KLF16: variants seen among roughly 807,000 people sequenced by gnomAD.
KLF16 encodes the protein KLF transcription factor 16.
In KLF16, 6 loss-of-function variants were observed where a neutral mutation model predicts 6.1. The ratio of observed to expected loss-of-function variants is 0.98; its 90% CI spans 0.54 to 1.93. KLF16 has a LOEUF of 1.93. KLF16 is among the 30% of genes most tolerant of loss of function. KLF16 has a pLI of 0.01. For missense variants in KLF16, 355 were observed against 363.8 expected (o/e 0.98, Z 0.20); for synonymous variants, 211 against 176.5 (o/e 1.20, Z -1.55).
At chr19:1,868,641 G>A in the KLF16 span, among the ~76,000 whole-genome samples, 1 of 146,164 alleles carries the variant, frequency 6.8e-6, no homozygotes, top group African/African-American at 2.5e-5. Context: ...ACCACACCGG[G>A]CTTTTTTTTT....
intron 1 of KLF16, among the ~76,000 whole-genome samples, chr19:1,862,376 G>A (rs1235754163): frequency 1.3e-5 from 2 of 152,300 alleles, no homozygotes; most frequent in South Asian, 2.1e-4. Context: ...ACACGCCAGG[G>A]AAATACAGCA....
chr19:1,858,148 G>T (rs192739460), intron 1 of KLF16, among the ~76,000 whole-genome samples: 1 of 151,600 alleles, frequency 6.6e-6, no homozygotes, highest in East Asian at 1.9e-4. Context: ...TGTCAATCCC[G>T]TACCTCCCCA....
At chr19:1,872,109 C>G in the KLF16 span, among the ~76,000 whole-genome samples, 2 of 152,050 alleles carry the variant, frequency 1.3e-5, no homozygotes, top group African/African-American at 4.8e-5. Context: ...CCCCCTTGAA[C>G]AGGGTCAGAC....
In KLF16 at chr19:1,852,962, G is replaced by A. The variant is rs1174368658; in HGVS notation, c.*1497C>T. The A allele has an allele frequency of 6.6e-6, 1 of 152,270 alleles. No individual in the cohort carries two copies. Among genetic ancestry groups the A allele is most frequent in the East Asian group, 1.9e-4 (1 of 5,192 alleles). The allele number at this position is 152,270 out of a possible 1,614,324, so 9.4% of individuals were successfully genotyped here. A position where few individuals can be genotyped will look rare whatever the true frequency, so the allele number is the denominator to read the frequency against. On this transcript the variant is annotated 3_prime_UTR_variant, in exon 2 of 2. Transcript: ENST00000250916. ...AAAGCCCCCCTGTCCCCAAGCGAGA[G>A]GCAGGACGGTTCTGGAACAAAAGGG...
chr19:1,864,831 G>C (rs2012158836), upstream of KLF16, among the ~76,000 whole-genome samples: 1 of 152,090 alleles, frequency 6.6e-6, no homozygotes, highest in Non-Finnish European at 1.5e-5. Context: ...AAACTGGGCG[G>C]CCCCCCTCGG....
At chr19:1,872,808 G>A in the KLF16 span, among the ~76,000 whole-genome samples, 5 of 152,064 alleles carry the variant, frequency 3.3e-5, no homozygotes, top group East Asian at 5.8e-4. Flanking sequence ...GCCCAGAATC[G>A]TTGTGAAGAT....
rs566501248 is a variant in KLF16 at position 1,856,336 on chromosome 19, G to A, written c.458-1576C>T. 5.3e-5 allele frequency among the ~76,000 whole-genome samples: 8 copies of A among 152,300 alleles called. No homozygotes were observed. The East Asian group carries it at 1.3e-3, about 26-fold the overall frequency. ...GCACCAGCGATCACCCGTGACCCAA[G>A]AAGAGCTGGAAGAAAAAACCTTCCC... On this transcript the variant is annotated intron_variant, in intron 1 of 1. Transcript: ENST00000250916.
the KLF16 span, among the ~76,000 whole-genome samples, chr19:1,869,948 T>TA: frequency 7.0e-6 from 1 of 143,028 alleles, no homozygotes; most frequent in Non-Finnish European, 1.5e-5. Context: ...TTTTTTTTTT[T>TA]TTTGAGACGG....
chr19:1,876,094 A>AGCGGCCGCCACTTACCACC, the KLF16 span: 1 of 152,308 alleles, frequency 6.6e-6, no homozygotes, highest in Non-Finnish European at 1.5e-5. Context: ...GCTGGGTCCC[A>AGCGGCCGCCACTTACCACC]GCGGCCGCCA....
intron 1 of KLF16, among the ~76,000 whole-genome samples, chr19:1,855,211 G>T (rs186079387): frequency 1.9e-3 from 290 of 152,344 alleles, no homozygotes; most frequent in Non-Finnish European, 3.4e-3. Context: ...GCATGCAGGG[G>T]CCTCCATCTG....
chr19:1,863,617 G>T, upstream of KLF16: 1 of 255,756 alleles, frequency 3.9e-6, no homozygotes, highest in Non-Finnish European at 6.0e-6. Flanking sequence ...GGCCCGGCGC[G>T]CGCCGCCGCC....
rs1243994941 is a variant in KLF16 at position 1,863,104 on chromosome 19, G to A, written c.394C>T (p.Pro132Ser). 7.2e-7 allele frequency: 1 copy of A among 1,396,718 alleles called. No individual in the cohort carries two copies. The highest frequency in any genetic ancestry group is 9.5e-7 in the Non-Finnish European group (1 of 1,056,550). 86.5% of individuals were successfully genotyped at this position (1,396,718 alleles called of 1,614,324 possible). Residue 132 changes from proline to serine, a missense_variant, in exon 1 of 2, where the codon CCG (proline) becomes TCG (serine). Transcript: ENST00000250916. ...TTGTAGTAGGCTTTGGCGCAGTCCG[G>A]GAAGGGACAGCGGTGGCTCTTGGCG... ...AAAKSHRCPF[P>S]DCAKAYYKSS...
the KLF16 span, among the ~76,000 whole-genome samples, chr19:1,874,449 G>A: frequency 1.3e-5 from 2 of 151,664 alleles, no homozygotes; most frequent in South Asian, 4.2e-4. Context: ...CTCCTTACCA[G>A]GAATACTTTC....
At chr19:1,865,137 C>G (rs114830771), upstream of KLF16, among the ~76,000 whole-genome samples, 1,897 of 152,344 alleles carry the variant, frequency 0.012, 43 homozygotes, top group African/African-American at 0.043. Context: ...CCAGTAAGCC[C>G]ACTCTACGTG....
At chr19:1,871,199 A>C in the KLF16 span, among the ~76,000 whole-genome samples, 1 of 152,160 alleles carries the variant, frequency 6.6e-6, no homozygotes, top group Non-Finnish European at 1.5e-5. Context: ...TTCACAGTAA[A>C]GCCTGTGCCC....
chr19:1,874,746 CAAAAAAAA>C, the KLF16 span: 6 of 42,000 alleles, frequency 1.4e-4, no homozygotes, highest in East Asian at 2.8e-3. Flanking sequence ...GTCAGAGTCC[CAAAAAAAA>C]AAAAAAAAAA....
At chr19:1,868,191 A>AC (rs371003072), upstream of KLF16, among the ~76,000 whole-genome samples, 210 of 150,488 alleles carry the variant, frequency 1.4e-3, no homozygotes, top group African/African-American at 5.1e-3. Context: ...TCTAAATAAA[A>AC]CTCCCCCCAC....
chr19:1,864,818 C>T (rs2012158596), upstream of KLF16, among the ~76,000 whole-genome samples: 1 of 152,200 alleles, frequency 6.6e-6, no homozygotes, highest in African/African-American at 2.4e-5. Flanking sequence ...GGCGGGGGCA[C>T]AGAAACTGGG....
chr19:1,867,518 A>T (rs116148155), upstream of KLF16, among the ~76,000 whole-genome samples: 179 of 151,618 alleles, frequency 1.2e-3, no homozygotes, highest in African/African-American at 4.3e-3. Flanking sequence ...AAGGCTGCAG[A>T]GAGCTGTGAT....
Sources: allele counts gnomAD v4.1 joint callset (sites outside exome capture counted in the v4.1 genomes callset), GRCh38; gene constraint gnomAD v4.1.1; transcripts MANE v1.5; gene names NCBI Gene and HGNC (gene_info 2026-07-23, HGNC 2026-07-21).